MLIP: variants seen among roughly 807,000 people sequenced by gnomAD.
MLIP encodes muscular LMNA-interacting protein.
A neutral mutation model predicts 84.8 loss-of-function variants in MLIP; 79 were observed. The observed-to-expected ratio is 0.93, with a 90% CI of 0.78 to 1.12. MLIP has a LOEUF of 1.12. Ranked by LOEUF, MLIP falls within the 50% of genes most tolerant of loss-of-function variation. MLIP has a pLI of 0.00. For synonymous variants in MLIP, 504 were observed against 463.0 expected, an observed-to-expected ratio of 1.09 and a Z score of -1.14; for missense variants, 1,257 against 1,160.6, an observed-to-expected ratio of 1.08 and a Z score of -1.21.
At chr6:54,022,239 G>A (rs867529372) in intron 1 of MLIP, among the ~76,000 whole-genome samples, 4 of 152,138 alleles carry the variant, frequency 2.6e-5, no homozygotes, top group Non-Finnish European at 5.9e-5. Flanking sequence ...TTGGAGACTC[G>A]TATCTGTATT....
chr6:54,136,399 C>T (rs1309542068), intron 3 of MLIP, among the ~76,000 whole-genome samples: 2 of 152,112 alleles, frequency 1.3e-5, no homozygotes, highest in South Asian at 2.1e-4. Flanking sequence ...CTTTCCAAAT[C>T]ACACAATTCA....
chr6:54,105,334 A>G (rs1314233744), intron 1 of MLIP, among the ~76,000 whole-genome samples: 3 of 152,294 alleles, frequency 2.0e-5, no homozygotes, highest in South Asian at 2.1e-4. Context: ...TTCCTATTCC[A>G]GTGGAACTAG....
chr6:54,124,135 C>A lies in MLIP; in HGVS notation c.253-338C>A, dbSNP rs569684299. ...GCTTCACCATTAACTAAACCCTTGC[C>A]CAATCCCCATTTGTTTCACAAATGT... On this transcript the variant is annotated intron_variant, in intron 2 of 13. Coordinates refer to ENST00000502396, the MANE Select transcript of MLIP (RefSeq NM_001281747.2). Among the ~76,000 whole-genome samples, 6 of 152,238 alleles carry A rather than the reference C, an allele frequency of 3.9e-5. No individual in the cohort carries two copies. The East Asian group carries it at 1.2e-3, about 29-fold the overall frequency.
intron 1 of MLIP, among the ~76,000 whole-genome samples, chr6:54,112,226 C>T (rs1769525983): frequency 6.6e-6 from 1 of 152,146 alleles, no homozygotes; most frequent in Non-Finnish European, 1.5e-5. Flanking sequence ...CATAGCAATT[C>T]ATTCTTAGGC....
At chr6:54,228,315 AC>A (rs1780747172) in intron 11 of MLIP, among the ~76,000 whole-genome samples, 1 of 152,192 alleles carries the variant, frequency 6.6e-6, no homozygotes, top group Admixed American at 6.5e-5. Flanking sequence ...ATGTATACAA[AC>A]ATAGAAGGCA....
At chr6:54,188,792 C>T (rs967937666) in intron 9 of MLIP, among the ~76,000 whole-genome samples, 1 of 151,900 alleles carries the variant, frequency 6.6e-6, no homozygotes, top group Admixed American at 6.6e-5. Context: ...ACCCCCAAAA[C>T]ACAAGAAAAA....
intron 1 of MLIP, among the ~76,000 whole-genome samples, chr6:54,114,211 G>A (rs1289407725): frequency 6.6e-6 from 1 of 152,092 alleles, no homozygotes; most frequent in East Asian, 1.9e-4. Context: ...TTCTATTTGT[G>A]TTTACATCTT....
At chr6:54,180,543 T>A (rs1582413964) in intron 9 of MLIP, among the ~76,000 whole-genome samples, 1 of 152,320 alleles carries the variant, frequency 6.6e-6, no homozygotes, top group East Asian at 1.9e-4. Flanking sequence ...TTGTCTCCTC[T>A]GACTTTGCAC....
At chr6:54,089,696 C>CATTATA (rs1561921181) in intron 1 of MLIP, among the ~76,000 whole-genome samples, 3 of 152,086 alleles carry the variant, frequency 2.0e-5, no homozygotes, top group African/African-American at 7.2e-5. Context: ...GAAGAATTTG[C>CATTATA]TAAAACCTGA....
intron 1 of MLIP, among the ~76,000 whole-genome samples, chr6:54,060,740 G>A (rs1422515428): frequency 2.0e-5 from 3 of 152,006 alleles, no homozygotes; most frequent in African/African-American, 7.3e-5. Flanking sequence ...TATTTAAATA[G>A]GACAATAATT....
chr6:54,250,933 G>C (rs1562106984), intron 12 of MLIP, among the ~76,000 whole-genome samples: 1 of 152,004 alleles, frequency 6.6e-6, no homozygotes, highest in African/African-American at 2.4e-5. Context: ...ATTATTTTGT[G>C]TTTGGACTTA....
Position 54,082,669 on chromosome 6 carries a change from G to A in MLIP, c.64-38778G>A, listed in dbSNP as rs145656497. On this transcript the variant is annotated intron_variant, in intron 1 of 12. Transcript: ENST00000274897. Reference sequence around the variant, plus strand: ...TTGCTCCACATTCTCACTAGCATTTGGTATTGCCAATTTGGTGGGTAGAAA... The same window carrying A: ...TTGCTCCACATTCTCACTAGCATTTAGTATTGCCAATTTGGTGGGTAGAAA... 4.8e-3 allele frequency among the ~76,000 whole-genome samples: 732 copies of A among 152,056 alleles called. 8 individuals carry two copies. Among genetic ancestry groups the A allele is most frequent in the African/African-American group, 0.017 (702 of 41,476 alleles).
chr6:54,206,336 T>C (rs756906581), intron 11 of MLIP, among the ~76,000 whole-genome samples: 5 of 152,084 alleles, frequency 3.3e-5, no homozygotes, highest in African/African-American at 1.2e-4. Context: ...CTTAAAGCCC[T>C]AAGGAAATGT....
chr6:54,196,440 G>A (rs1778301986), intron 10 of MLIP, among the ~76,000 whole-genome samples: 1 of 152,014 alleles, frequency 6.6e-6, no homozygotes, highest in South Asian at 2.1e-4. Context: ...GCAGTGTTGG[G>A]TTTTCTGTTC....
chr6:54,108,974 A>C (rs1289910046), upstream of MLIP, among the ~76,000 whole-genome samples: 5 of 151,882 alleles, frequency 3.3e-5, no homozygotes, highest in Non-Finnish European at 7.4e-5. Flanking sequence ...GAACTTTGCG[A>C]TAAGAGTGAT....
At chr6:54,077,747 C>T (rs1325829) in intron 1 of MLIP, among the ~76,000 whole-genome samples, 150,256 of 152,310 alleles carry the variant, frequency 0.99, 74,150 homozygotes, top group East Asian at 1. Context: ...TGGCATACCA[C>T]TTATAAAGTT....
At chr6:54,183,743 G>GC (rs1777115556) in intron 9 of MLIP, among the ~76,000 whole-genome samples, 1 of 116,724 alleles carries the variant, frequency 8.6e-6, no homozygotes, top group Admixed American at 1.0e-4. Context: ...GACAGGGTAA[G>GC]TTTTTTTTTT....
intron 1 of MLIP, among the ~76,000 whole-genome samples, chr6:54,100,623 A>G (rs936689207): frequency 1.3e-5 from 2 of 152,068 alleles, no homozygotes; most frequent in Admixed American, 6.6e-5. Flanking sequence ...AAACTAAAAA[A>G]TGCTTTGTCC....
intron 1 of MLIP, among the ~76,000 whole-genome samples, chr6:54,095,801 G>T (rs1320298535): frequency 6.6e-6 from 1 of 152,138 alleles, no homozygotes; most frequent in African/African-American, 2.4e-5. Flanking sequence ...TTCTCAGTTT[G>T]AATTCATGAA....
Sources: gnomAD v4.1 joint callset for allele counts (sites outside exome capture counted in the v4.1 genomes callset) on GRCh38, gnomAD v4.1.1 for gene constraint, MANE v1.5 for transcripts, NCBI Gene and HGNC (gene_info 2026-07-23, HGNC 2026-07-21) for gene names.